Variants in PPM1E observed in about 807,000 individuals in gnomAD.
PPM1E encodes the protein protein phosphatase 1E.
PPM1E carries 20 observed loss-of-function variants against 65.9 expected under a neutral mutation model. The observed-to-expected ratio is 0.30, with a 90% CI of 0.21 to 0.44. The LOEUF (loss-of-function observed/expected upper bound fraction) is 0.44, where lower values mean the gene tolerates loss of function less well. Ranked by LOEUF, PPM1E falls within the 20% of genes least tolerant of loss-of-function variation. The probability of loss-of-function intolerance (pLI) is 1.00; values close to 1 mark genes in which losing one functional copy is unlikely to be tolerated. For synonymous variants in PPM1E, 352 were observed against 374.9 expected, an observed-to-expected ratio of 0.94 and a Z score of 0.70; for missense variants, 713 against 953.1, an observed-to-expected ratio of 0.75 and a Z score of 3.32.
intron 1 of PPM1E, among the ~76,000 whole-genome samples, chr17:58,926,948 CTT>C (rs1353915430): frequency 6.6e-6 from 1 of 151,898 alleles, no homozygotes; most frequent in African/African-American, 2.4e-5. Context: ...AAATTAAACT[CTT>C]GATTTTAAAA....
At chr17:58,938,718 G>A (rs1237104477) in intron 1 of PPM1E, among the ~76,000 whole-genome samples, 2 of 150,836 alleles carry the variant, frequency 1.3e-5, no homozygotes, top group African/African-American at 2.4e-5. Flanking sequence ...AAAGAAATCA[G>A]TACTTATCTA....
intron 6 of PPM1E, among the ~76,000 whole-genome samples, chr17:58,974,920 C>G (rs904476970): frequency 4.6e-5 from 7 of 152,138 alleles, no homozygotes; most frequent in Non-Finnish European, 8.8e-5. Flanking sequence ...TGAGATTTGG[C>G]TTGACCTTAG....
At chr17:58,898,831 A>G (rs1452438211) in intron 1 of PPM1E, among the ~76,000 whole-genome samples, 2 of 152,190 alleles carry the variant, frequency 1.3e-5, no homozygotes, top group African/African-American at 4.8e-5. Context: ...GTGCAGCCAT[A>G]AAAAGGATGC....
chr17:58,983,990 G>A lies in PPM1E; in HGVS notation c.*2959G>A, dbSNP rs539198350. On this transcript the variant is annotated 3_prime_UTR_variant, in exon 7 of 7. Transcript: ENST00000308249. ...TCACTTTCTAGATGTGTACTTTTGA[G>A]GGACATGAGGTTAGGCAACATTACA... The A allele has an allele frequency of 7.2e-5, 11 of 152,672 alleles. No homozygotes were observed. The highest frequency in any genetic ancestry group is 5.2e-4 in the Admixed American group (8 of 15,286). The allele number at this position is 152,672 out of a possible 1,614,324, so 9.5% of individuals were successfully genotyped here.
At chr17:58,785,010 A>T (rs989378748) in intron 1 of PPM1E, among the ~76,000 whole-genome samples, 12 of 152,060 alleles carry the variant, frequency 7.9e-5, no homozygotes, top group African/African-American at 2.9e-4. Context: ...AGTCCAATTT[A>T]TATATTTTTT....
In PPM1E at chr17:58,965,811, T is replaced by G; in HGVS notation, c.701T>G (p.Ile234Ser). ...CCCCAGCTTTATTATGAGACATCAA[T>G]CCATGCCATCAAAAACATGCGCAGG... The part of the protein sequence containing the change: ...RRPQLYYETS[I>S]HAIKNMRRKM... The change falls in exon 3 of 7, where the codon ATC becomes AGC. Residue 234 changes from isoleucine (I) to serine (S), a missense_variant. This residue lies in a region of PPM1E where 84 missense variants were observed against 113.9 expected (regional missense o/e 0.74). Transcript: ENST00000308249. 1 of 1,614,150 alleles carries G rather than the reference T, an allele frequency of 6.2e-7. No individual in the cohort carries two copies. The highest frequency in any genetic ancestry group is 8.5e-7 in the Non-Finnish European group (1 of 1,180,010).
chr17:58,777,116 C>CA (rs2050001586), intron 1 of PPM1E, among the ~76,000 whole-genome samples: 1 of 152,092 alleles, frequency 6.6e-6, no homozygotes. Context: ...CTCCTAGCTA[C>CA]ATGGCAGGCT....
At chr17:58,816,295 A>T (rs1223831780) in intron 1 of PPM1E, among the ~76,000 whole-genome samples, 3 of 152,202 alleles carry the variant, frequency 2.0e-5, no homozygotes, top group Non-Finnish European at 2.9e-5. Context: ...AAGTGCTGGG[A>T]TTACAGGTGT....
chr17:58,896,586 A>G (rs149654366), intron 1 of PPM1E, among the ~76,000 whole-genome samples: 66 of 152,284 alleles, frequency 4.3e-4, no homozygotes, highest in African/African-American at 1.6e-3. Context: ...CTCCATCTCA[A>G]ATAAATAAAT....
intron 1 of PPM1E, among the ~76,000 whole-genome samples, chr17:58,881,996 C>CA (rs58449667): frequency 0.047 from 2,922 of 62,118 alleles, 74 homozygotes; most frequent in East Asian, 0.1. Context: ...CCTGTCTCTA[C>CA]AAAAAAAAAA....
intron 1 of PPM1E, among the ~76,000 whole-genome samples, chr17:58,782,784 T>G (rs1171011629): frequency 1.3e-5 from 2 of 152,058 alleles, no homozygotes; most frequent in Non-Finnish European, 2.9e-5. Flanking sequence ...TGTGGCAGAA[T>G]AATTAAAATT....
intron 1 of PPM1E, among the ~76,000 whole-genome samples, chr17:58,860,714 C>T (rs980206566): frequency 5.9e-5 from 9 of 152,154 alleles, no homozygotes; most frequent in East Asian, 3.9e-4. Flanking sequence ...GAGGCCGAGG[C>T]GGGCAGACCG....
intron 1 of PPM1E, among the ~76,000 whole-genome samples, chr17:58,766,053 G>A (rs2049872978): frequency 6.7e-6 from 1 of 150,316 alleles, no homozygotes; most frequent in Admixed American, 6.7e-5. Context: ...GCTAATTTTT[G>A]TATTTTATTA....
intron 1 of PPM1E, among the ~76,000 whole-genome samples, chr17:58,842,570 C>G (rs2143223521): frequency 6.6e-6 from 1 of 152,280 alleles, no homozygotes; most frequent in East Asian, 1.9e-4. Context: ...TTCGGGAGGC[C>G]AAGGCGGGTG....
At chr17:58,919,057 C>T (rs1442964258) in intron 1 of PPM1E, among the ~76,000 whole-genome samples, 3 of 152,026 alleles carry the variant, frequency 2.0e-5, no homozygotes, top group Non-Finnish European at 4.4e-5. Context: ...GGAAGCAGAG[C>T]TATAGTCTCC....
At chr17:58,922,370 A>G in intron 1 of PPM1E, among the ~76,000 whole-genome samples, 1 of 152,018 alleles carries the variant, frequency 6.6e-6, no homozygotes, top group Non-Finnish European at 1.5e-5. Flanking sequence ...CTCCCACCTC[A>G]GCCTCCCATA....
At chr17:58,937,690 G>A (rs1427778417) in intron 1 of PPM1E, among the ~76,000 whole-genome samples, 1 of 149,428 alleles carries the variant, frequency 6.7e-6, no homozygotes, top group East Asian at 2.0e-4. Context: ...TCCTGGCCAA[G>A]GTGGTGAAAC....
At chr17:58,891,832 C>CTTTTTTTTTTTTTTTTTTTTTTT (rs5821250) in intron 1 of PPM1E, among the ~76,000 whole-genome samples, 1 of 85,496 alleles carries the variant, frequency 1.2e-5, no homozygotes, top group Non-Finnish European at 2.1e-5. Flanking sequence ...TTTTCTTTTT[C>CTTTTTTTTTTTTTTTTTTTTTTT]TTTTTTTTTT....
chr17:58,811,506 C>T (rs2050367753), intron 1 of PPM1E, among the ~76,000 whole-genome samples: 1 of 152,050 alleles, frequency 6.6e-6, no homozygotes, highest in Admixed American at 6.6e-5. Context: ...ATGCATTGCG[C>T]AATCTGAACA....
Sources: gnomAD v4.1 joint callset for allele counts (sites outside exome capture counted in the v4.1 genomes callset) on GRCh38, gnomAD v4.1.1 for gene constraint, gnomAD v4.1.1 regional missense constraint, MANE v1.5 for transcripts, NCBI Gene and HGNC (gene_info 2026-07-23, HGNC 2026-07-21) for gene names.